The following ARHGAP5 variants were observed in gnomAD, a reference collection of about 807,000 sequenced individuals.
ARHGAP5 encodes rho GTPase-activating protein 5.
A neutral mutation model predicts 116.6 loss-of-function variants in ARHGAP5; 23 were observed. The observed-to-expected ratio is 0.20, with a 90% CI of 0.14 to 0.28. ARHGAP5 has a LOEUF of 0.28. Among genes scored for constraint, ARHGAP5 ranks in the 10% least tolerant of loss-of-function variants. The pLI is 1.00. For synonymous variants in ARHGAP5, 574 were observed against 602.0 expected, an observed-to-expected ratio of 0.95 and a Z score of 0.68; for missense variants, 1,405 against 1,774.8, an observed-to-expected ratio of 0.79 and a Z score of 3.74.
chr14:32,154,750 T>C lies in ARHGAP5; in HGVS notation c.4311T>C (p.Val1437=), dbSNP rs774052818. 11 of 1,614,104 alleles carry C rather than the reference T, an allele frequency of 6.8e-6. No homozygotes were observed. In the Admixed American group the frequency reaches 1.8e-4, roughly 27 times the overall value. Residue 1437 remains valine (V), a synonymous_variant, in exon 7 of 7, where the codon GTT becomes GTC. Coordinates refer to ENST00000345122, the MANE Select transcript of ARHGAP5 (RefSeq NM_001030055.2). ...FLSTTKIHQS[V]VETFIQQCQF... is the part of the protein sequence containing the mutation. ...CTACTACTAAGATTCATCAATCTGT[T>C]GTTGAAACATTCATTCAGCAGTGTC...
intron 1 of ARHGAP5, among the ~76,000 whole-genome samples, chr14:32,079,983 A>G (rs2041755988): frequency 6.6e-6 from 1 of 152,198 alleles, no homozygotes; most frequent in Non-Finnish European, 1.5e-5. Context: ...CACCAAGGGA[A>G]TTTAATTTCT....
In ARHGAP5 at chr14:32,114,120, C is replaced by T. The variant is rs543578941; in HGVS notation, c.3718-3020C>T. 1.2e-4 allele frequency among the ~76,000 whole-genome samples: 18 copies of T among 151,950 alleles called. No individual in the cohort carries two copies. The South Asian group carries it at 3.3e-3, about 28-fold the overall frequency. On this transcript the variant is annotated intron_variant, in intron 2 of 6. Transcript: ENST00000345122. ...GCACACGCCTGTAGTCCCAGCTACT[C>T]GGGAGGCTGAGGCAGGAGAATGGCG...
At chr14:32,086,850 A>T (rs2041834399) in intron 1 of ARHGAP5, among the ~76,000 whole-genome samples, 1 of 152,066 alleles carries the variant, frequency 6.6e-6, no homozygotes, top group Non-Finnish European at 1.5e-5. Flanking sequence ...TATCCTAAAG[A>T]CAATCTTAAA....
At chr14:32,084,341 C>T (rs1358519516) in intron 1 of ARHGAP5, among the ~76,000 whole-genome samples, 1 of 152,080 alleles carries the variant, frequency 6.6e-6, no homozygotes. Flanking sequence ...TTTATATACC[C>T]CTATTGTGTG....
At chr14:32,150,295 G>A (rs1313729431) in intron 5 of ARHGAP5, among the ~76,000 whole-genome samples, 1 of 152,086 alleles carries the variant, frequency 6.6e-6, no homozygotes. Context: ...AGAAGTTTGA[G>A]GTTTGTGTTT....
chr14:32,080,180 C>G (rs888219026), intron 1 of ARHGAP5, among the ~76,000 whole-genome samples: 22 of 151,960 alleles, frequency 1.4e-4, no homozygotes, highest in African/African-American at 4.6e-4. Context: ...AAACTCTGTT[C>G]CTTGGATTCC....
At chr14:32,130,626 C>G (rs139452454) in intron 3 of ARHGAP5, among the ~76,000 whole-genome samples, 1 of 152,002 alleles carries the variant, frequency 6.6e-6, no homozygotes, top group East Asian at 1.9e-4. Context: ...CTGCAACCTC[C>G]GCCTCCTGGG....
At chr14:32,151,790 C>T (rs185238599) in intron 5 of ARHGAP5, among the ~76,000 whole-genome samples, 64 of 152,244 alleles carry the variant, frequency 4.2e-4, no homozygotes, top group Non-Finnish European at 1.0e-4. Context: ...TATCTAGTTA[C>T]GTAAATTGCT....
chr14:32,144,680 C>T (rs1881295293), intron 3 of ARHGAP5, among the ~76,000 whole-genome samples: 1 of 151,942 alleles, frequency 6.6e-6, no homozygotes, highest in African/African-American at 2.4e-5. Flanking sequence ...GGTGGGTTTT[C>T]AACATGTTGG....
At chr14:32,119,995 G>A (rs1594370160) in intron 3 of ARHGAP5, among the ~76,000 whole-genome samples, 1 of 152,192 alleles carries the variant, frequency 6.6e-6, no homozygotes, top group East Asian at 1.9e-4. Flanking sequence ...CATAGATTAA[G>A]TTTATTTTCT....
chr14:32,092,139 T>C lies in ARHGAP5; in HGVS notation c.1470T>C (p.Phe490=). The C allele has an allele frequency of 6.2e-7, 1 of 1,613,852 alleles. No individual in the cohort carries two copies. The highest frequency in any genetic ancestry group is 8.5e-7 in the Non-Finnish European group (1 of 1,179,800). The change falls in exon 2 of 7, where the codon TTT becomes TTC. Residue 490 remains phenylalanine, a synonymous_variant. Transcript: ENST00000345122. The surrounding 1 kb of genome is among the most constrained non-coding windows in gnomAD (Gnocchi z 4.1). Reference sequence around the variant, plus strand: ...TAGTTGAAAAAGCCAAAGAAGAGTTTCAAGAAATGCTTTTTGAGCATTCTG... The same window carrying C: ...TAGTTGAAAAAGCCAAAGAAGAGTTCCAAGAAATGCTTTTTGAGCATTCTG... ...REIVEKAKEE[F]QEMLFEHSEL... is the part of the protein sequence containing the mutation.
chr14:32,153,475 GTTTT>G (rs760319450), intron 6 of ARHGAP5, among the ~76,000 whole-genome samples: 4 of 95,574 alleles, frequency 4.2e-5, no homozygotes, highest in Non-Finnish European at 8.5e-5. Flanking sequence ...TAGCAGCCAG[GTTTT>G]TTTTTTTTTT....
chr14:32,154,014 C>A (rs1438191422), intron 6 of ARHGAP5: 1 of 152,146 alleles, frequency 6.6e-6, no homozygotes, highest in Non-Finnish European at 1.5e-5. Context: ...TTTTCCAAAG[C>A]TAGTTGAGAG....
chr14:32,152,604 G>A (rs1271690438), intron 6 of ARHGAP5, 76 bp downstream of exon 6: 2 of 788,672 alleles, frequency 2.5e-6, no homozygotes, highest in Non-Finnish European at 4.0e-6. Flanking sequence ...TTATAAATTG[G>A]ATAATTATCA....
chr14:32,134,126 G>A (rs1014650136), intron 3 of ARHGAP5, among the ~76,000 whole-genome samples: 1 of 152,162 alleles, frequency 6.6e-6, no homozygotes, highest in African/African-American at 2.4e-5. Flanking sequence ...TATCCACCAT[G>A]ATCAAGTGGG....
intron 3 of ARHGAP5, among the ~76,000 whole-genome samples, chr14:32,134,921 A>G (rs1318770542): frequency 6.6e-6 from 1 of 152,166 alleles, no homozygotes; most frequent in Non-Finnish European, 1.5e-5. Context: ...TATCTCTCAC[A>G]TTCCAGAGTG....
At chr14:32,089,071 C>A (rs1239347985) in intron 1 of ARHGAP5, among the ~76,000 whole-genome samples, 1 of 151,784 alleles carries the variant, frequency 6.6e-6, no homozygotes, top group African/African-American at 2.4e-5. Context: ...TGTCAGATGG[C>A]TGACTGTTAA....
At chr14:32,119,488 A>G (rs1260857130) in intron 3 of ARHGAP5, among the ~76,000 whole-genome samples, 3 of 152,174 alleles carry the variant, frequency 2.0e-5, no homozygotes, top group Admixed American at 6.5e-5. Flanking sequence ...TTTACATACA[A>G]TAAAATTTGC....
At chr14:32,154,356 T>G (rs928998564) in intron 6 of ARHGAP5, 14 of 360,416 alleles carry the variant, frequency 3.9e-5, no homozygotes, top group East Asian at 2.4e-4. Context: ...TCCATGTTGG[T>G]CCTGCTGGTG....
Sources: allele counts gnomAD v4.1 joint callset (sites outside exome capture counted in the v4.1 genomes callset), GRCh38; gene constraint gnomAD v4.1.1; non-coding constraint Gnocchi (gnomAD v3.1); transcripts MANE v1.5; gene names NCBI Gene and HGNC (gene_info 2026-07-23, HGNC 2026-07-21).